Variants in NAALADL2 observed in about 807,000 individuals in gnomAD.
NAALADL2 encodes inactive N-acetylated-alpha-linked acidic dipeptidase-like protein 2.
Under a neutral mutation model 87.2 loss-of-function variants are expected in NAALADL2, and 76 were observed. That is an observed-to-expected ratio of 0.87 (90% CI 0.72 to 1.05). NAALADL2 has a LOEUF of 1.05. NAALADL2 is among the 50% of genes least tolerant of loss of function. NAALADL2 has a pLI of 0.00. For missense variants in NAALADL2, 1,089 were observed against 945.8 expected, an observed-to-expected ratio of 1.15 and a Z score of -1.99; for synonymous variants, 354 against 331.0, an observed-to-expected ratio of 1.07 and a Z score of -0.75.
chr3:175,103,081 C>T (rs6776121), intron 2 of NAALADL2, among the ~76,000 whole-genome samples: 57,215 of 144,090 alleles, frequency 0.4, 11,988 homozygotes, highest in Non-Finnish European at 0.47. Flanking sequence ...GCATTCCAGC[C>T]AAACGGCAGA....
At chr3:174,929,665 C>A (rs1279864945) in intron 1 of NAALADL2, among the ~76,000 whole-genome samples, 1 of 152,110 alleles carries the variant, frequency 6.6e-6, no homozygotes, top group Non-Finnish European at 1.5e-5. Context: ...CCTTTCATAA[C>A]TGCTTCAGTT....
intron 1 of NAALADL2, among the ~76,000 whole-genome samples, chr3:174,874,739 A>G (rs949247124): frequency 2.0e-5 from 3 of 152,046 alleles, no homozygotes; most frequent in Non-Finnish European, 4.4e-5. Context: ...TATTTTTATG[A>G]GTAGATGAAA....
intron 11 of NAALADL2, among the ~76,000 whole-genome samples, chr3:175,715,843 C>A (rs1378736147): frequency 2.6e-5 from 4 of 151,904 alleles, no homozygotes; most frequent in African/African-American, 7.3e-5. Context: ...CCACTGCACT[C>A]CAGCCTGGGT....
At chr3:174,831,271 AAATACGTCCCATC>A (rs1329831802) in intron 3 of NAALADL2, among the ~76,000 whole-genome samples, 2 of 150,086 alleles carry the variant, frequency 1.3e-5, no homozygotes, top group Non-Finnish European at 3.0e-5. Context: ...TATTATTTTG[AAATACGTCCCATC>A]AATACCTAAT....
chr3:175,245,328 C>G (rs920118319), intron 3 of NAALADL2, among the ~76,000 whole-genome samples: 3 of 152,110 alleles, frequency 2.0e-5, no homozygotes, highest in South Asian at 2.1e-4. Flanking sequence ...ATTTTTTACT[C>G]TAGCCTGAAA....
At chr3:175,372,329 A>C (rs1308370443) in intron 5 of NAALADL2, among the ~76,000 whole-genome samples, 1 of 152,190 alleles carries the variant, frequency 6.6e-6, no homozygotes, top group Non-Finnish European at 1.5e-5. Flanking sequence ...TGCATTCTCT[A>C]TATCTACCTA....
intron 12 of NAALADL2, among the ~76,000 whole-genome samples, chr3:175,739,633 C>T (rs1583068919): frequency 6.6e-6 from 1 of 152,120 alleles, no homozygotes; most frequent in Admixed American, 6.5e-5. Context: ...CTCCTGAATC[C>T]ACTTTTTCAT....
At chr3:174,452,502 T>TCTGGCA (rs1176979510) in intron 1 of NAALADL2, among the ~76,000 whole-genome samples, 1 of 152,144 alleles carries the variant, frequency 6.6e-6, no homozygotes, top group Non-Finnish European at 1.5e-5. Context: ...AAATGCTTTA[T>TCTGGCA]CTGGCACCAC....
chr3:174,969,540 G>A (rs1026381724), intron 1 of NAALADL2, among the ~76,000 whole-genome samples: 1 of 152,138 alleles, frequency 6.6e-6, no homozygotes, highest in Non-Finnish European at 1.5e-5. Flanking sequence ...CTGGGGAAAT[G>A]ACATTTGTAT....
intron 2 of NAALADL2, among the ~76,000 whole-genome samples, chr3:174,694,379 T>A (rs1192946716): frequency 6.6e-6 from 1 of 152,100 alleles, no homozygotes; most frequent in Non-Finnish European, 1.5e-5. Flanking sequence ...AATACAGATA[T>A]AATAATGGAT....
chr3:174,853,036 C>T (rs995586592), intron 3 of NAALADL2, among the ~76,000 whole-genome samples: 10 of 151,828 alleles, frequency 6.6e-5, no homozygotes, highest in African/African-American at 2.2e-4. Flanking sequence ...ACTCATATCT[C>T]TCATCATGTT....
chr3:175,697,854 T>C (rs1161103099), intron 11 of NAALADL2, among the ~76,000 whole-genome samples: 2 of 117,968 alleles, frequency 1.7e-5, no homozygotes, highest in East Asian at 2.2e-4. Flanking sequence ...TACATATATA[T>C]GTGTATATAT....
intron 1 of NAALADL2, 45 bp from the exon 2 acceptor site, chr3:175,096,741 TTTAA>T: frequency 7.9e-7 from 1 of 1,261,192 alleles, no homozygotes; most frequent in Non-Finnish European, 1.1e-6. Context: ...TGTTAGTTTT[TTTAA>T]TTGTGTGTTT....
intron 3 of NAALADL2, among the ~76,000 whole-genome samples, chr3:174,746,526 G>A (rs28771779): frequency 0.14 from 21,904 of 151,826 alleles, 1,655 homozygotes; most frequent in Middle Eastern, 0.18. Context: ...TATAGATTCA[G>A]TGGTGTTCCC....
chr3:174,946,924 T>C (rs2108494951), intron 1 of NAALADL2, among the ~76,000 whole-genome samples: 1 of 152,308 alleles, frequency 6.6e-6, no homozygotes, highest in Middle Eastern at 3.4e-3. Context: ...TCTTAGGCAG[T>C]TGCTTTGCTA....
chr3:174,647,696 C>G (rs1723940344), intron 2 of NAALADL2, among the ~76,000 whole-genome samples: 1 of 152,202 alleles, frequency 6.6e-6, no homozygotes, highest in African/African-American at 2.4e-5. Context: ...AAATCCTCTT[C>G]TCTAGAATTG....
chr3:175,545,799 A>G (rs928924165), intron 9 of NAALADL2, among the ~76,000 whole-genome samples: 2 of 152,186 alleles, frequency 1.3e-5, no homozygotes, highest in Non-Finnish European at 2.9e-5. Context: ...AGATCTGCAC[A>G]TAGAAAAGTT....
chr3:174,934,583 G>A (rs886678812), intron 1 of NAALADL2, among the ~76,000 whole-genome samples: 3 of 152,086 alleles, frequency 2.0e-5, no homozygotes, highest in South Asian at 2.1e-4. Flanking sequence ...AGGCAGAGGC[G>A]GGAGGATTGC....
chr3:175,323,148 C>G (rs1233731585), intron 4 of NAALADL2, among the ~76,000 whole-genome samples: 9 of 148,276 alleles, frequency 6.1e-5, no homozygotes, highest in African/African-American at 7.5e-5. Flanking sequence ...CCATGGAATA[C>G]TATGCAGCCA....
Sources: allele counts gnomAD v4.1 joint callset (sites outside exome capture counted in the v4.1 genomes callset), GRCh38; gene constraint gnomAD v4.1.1; transcripts MANE v1.5; gene names NCBI Gene and HGNC (gene_info 2026-07-23, HGNC 2026-07-21).